Variants in BCKDHB observed in about 807,000 individuals in gnomAD.
BCKDHB encodes the protein branched chain keto acid dehydrogenase E1 subunit beta, also known as 2-oxoisovalerate dehydrogenase subunit beta, mitochondrial.
In BCKDHB, 41 loss-of-function variants were observed where a neutral mutation model predicts 48.5. The observed-to-expected ratio is 0.85, with a 90% confidence interval of 0.66 to 1.10. The LOEUF is 1.10. BCKDHB is among the 50% of genes least tolerant of loss of function. The probability of loss-of-function intolerance (pLI) is 0.00; values close to 1 mark genes in which losing one functional copy is unlikely to be tolerated. For synonymous variants in BCKDHB, 201 were observed against 174.8 expected, an observed-to-expected ratio of 1.15 and a Z score of -1.18; for missense variants, 496 against 494.2, an observed-to-expected ratio of 1.00 and a Z score of -0.03.
intron 9 of BCKDHB, among the ~76,000 whole-genome samples, chr6:80,284,812 T>G (rs1008424732): frequency 6.6e-6 from 1 of 152,158 alleles, no homozygotes; most frequent in South Asian, 2.1e-4. Flanking sequence ...ACAGGATTAG[T>G]TTGCTCTCTT....
the BCKDHB span, among the ~76,000 whole-genome samples, chr6:80,442,326 T>C: frequency 6.6e-6 from 1 of 152,222 alleles, no homozygotes; most frequent in Non-Finnish European, 1.5e-5. Context: ...ATGTAGACCA[T>C]ATAATACTTA....
chr6:80,199,637 C>T (rs1191482466), intron 6 of BCKDHB, among the ~76,000 whole-genome samples: 1 of 151,320 alleles, frequency 6.6e-6, no homozygotes, highest in Non-Finnish European at 1.5e-5. Flanking sequence ...ATTAGCAGAG[C>T]GTGGTGGTGC....
intron 8 of BCKDHB, among the ~76,000 whole-genome samples, chr6:80,238,649 A>C (rs1252914880): frequency 6.6e-6 from 1 of 151,984 alleles, no homozygotes; most frequent in Non-Finnish European, 1.5e-5. Context: ...TGTGCACAAC[A>C]TGCAAGTTTG....
At chr6:80,198,305 T>G (rs1446261826) in intron 6 of BCKDHB, among the ~76,000 whole-genome samples, 4 of 152,144 alleles carry the variant, frequency 2.6e-5, no homozygotes, top group Non-Finnish European at 5.9e-5. Context: ...CTCAACATAG[T>G]TTGGGAGCTA....
intron 8 of BCKDHB, among the ~76,000 whole-genome samples, chr6:80,243,034 G>A (rs1446718852): frequency 6.6e-6 from 1 of 152,148 alleles, no homozygotes; most frequent in Non-Finnish European, 1.5e-5. Flanking sequence ...AACGACTCAG[G>A]CATAGAGCAT....
intron 1 of BCKDHB, among the ~76,000 whole-genome samples, chr6:80,123,265 G>C (rs999558211): frequency 1.3e-5 from 2 of 152,148 alleles, no homozygotes; most frequent in Non-Finnish European, 2.9e-5. Flanking sequence ...AATTATCACA[G>C]TGGTCCTGAG....
the BCKDHB span, among the ~76,000 whole-genome samples, chr6:80,464,597 G>A: frequency 4.6e-5 from 7 of 152,128 alleles, no homozygotes; most frequent in African/African-American, 1.4e-4. Context: ...TTGCCCAATG[G>A]AGGCCATTCA....
At chr6:80,364,589 T>A in the BCKDHB span, among the ~76,000 whole-genome samples, 1 of 152,224 alleles carries the variant, frequency 6.6e-6, no homozygotes, top group Non-Finnish European at 1.5e-5. Context: ...CTCACTTTTT[T>A]CTTCGAGACT....
chr6:80,184,824 T>C (rs1773568824), intron 6 of BCKDHB, among the ~76,000 whole-genome samples: 1 of 152,218 alleles, frequency 6.6e-6, no homozygotes, highest in Admixed American at 6.5e-5. Context: ...TGAGAGGTTT[T>C]CCTTTATAGG....
At chr6:80,424,892 T>C in the BCKDHB span, among the ~76,000 whole-genome samples, 6 of 152,334 alleles carry the variant, frequency 3.9e-5, no homozygotes, top group East Asian at 1.2e-3. Flanking sequence ...GGATCTGGAA[T>C]AGAGAGCGGA....
At chr6:80,298,188 C>T (rs1179021533) in intron 9 of BCKDHB, among the ~76,000 whole-genome samples, 1 of 152,172 alleles carries the variant, frequency 6.6e-6, no homozygotes, top group Non-Finnish European at 1.5e-5. Flanking sequence ...TCTCTGCTCA[C>T]TGCAACCTCT....
intron 9 of BCKDHB, among the ~76,000 whole-genome samples, chr6:80,310,691 G>A (rs561489487): frequency 6.6e-6 from 1 of 152,216 alleles, no homozygotes; most frequent in South Asian, 2.1e-4. Context: ...ATCTTCCACA[G>A]TGGTTGAATT....
At chr6:80,404,884 A>G in the BCKDHB span, among the ~76,000 whole-genome samples, 1 of 151,980 alleles carries the variant, frequency 6.6e-6, no homozygotes, top group African/African-American at 2.4e-5. Context: ...TTCTAGTTTC[A>G]TAACACTGTG....
At chr6:80,309,880 CAG>C (rs1485416423) in intron 9 of BCKDHB, among the ~76,000 whole-genome samples, 1 of 152,140 alleles carries the variant, frequency 6.6e-6, no homozygotes, top group African/African-American at 2.4e-5. Flanking sequence ...AAGTAGGCCT[CAG>C]TGGTTTGCTG....
At chr6:80,198,823 A>G (rs1206638584) in intron 6 of BCKDHB, among the ~76,000 whole-genome samples, 2 of 152,208 alleles carry the variant, frequency 1.3e-5, no homozygotes, top group Non-Finnish European at 2.9e-5. Context: ...TCAACTCTCC[A>G]ATATAAGCGG....
intron 8 of BCKDHB, among the ~76,000 whole-genome samples, chr6:80,251,280 A>G (rs1776826186): frequency 6.6e-6 from 1 of 152,204 alleles, no homozygotes; most frequent in Non-Finnish European, 1.5e-5. Flanking sequence ...AGCTTTTCAC[A>G]AATAATGCTA....
chr6:80,339,148 A>T (rs1769762045), intron 9 of BCKDHB, among the ~76,000 whole-genome samples: 1 of 152,208 alleles, frequency 6.6e-6, no homozygotes. Context: ...ATAGGGTTAG[A>T]TATTGAGAGA....
At chr6:80,368,373 A>G in the BCKDHB span, among the ~76,000 whole-genome samples, 18 of 152,226 alleles carry the variant, frequency 1.2e-4, no homozygotes, top group African/African-American at 4.3e-4. Flanking sequence ...ACCAAATTGA[A>G]TATCTGCCTG....
intron 9 of BCKDHB, among the ~76,000 whole-genome samples, chr6:80,327,733 A>G (rs1769103596): frequency 6.6e-6 from 1 of 152,148 alleles, no homozygotes; most frequent in African/African-American, 2.4e-5. Flanking sequence ...TATTATACCA[A>G]TATGGCCAGC....
Sources: allele counts gnomAD v4.1 joint callset (sites outside exome capture counted in the v4.1 genomes callset), GRCh38; gene constraint gnomAD v4.1.1; transcripts MANE v1.5; gene names NCBI Gene and HGNC (gene_info 2026-07-23, HGNC 2026-07-21).